HR: variants seen among roughly 807,000 people sequenced by gnomAD.
The protein encoded by HR is lysine-specific demethylase hairless.
HR carries 83 observed loss-of-function variants against 128.6 expected under a neutral mutation model. The ratio of observed to expected loss-of-function variants is 0.65; its 90% confidence interval spans 0.54 to 0.77. The LOEUF (loss-of-function observed/expected upper bound fraction) is 0.77, where lower values mean the gene tolerates loss of function less well. Among genes scored for constraint, HR ranks in the 30% least tolerant of loss-of-function variants. The pLI is 0.00. For missense variants in HR, 1,490 were observed against 1,574.6 expected (o/e 0.95, Z 0.91); for synonymous variants, 681 against 658.2 (o/e 1.03, Z -0.53).
rs753452080 is a variant in HR at position 22,115,808 on chromosome 8, GC to G, written c.3508-47del. 518 of 1,575,426 alleles carry G rather than the reference GC, an allele frequency of 3.3e-4. 1 individual carries two copies. The highest frequency in any genetic ancestry group is 4.3e-4 in the Non-Finnish European group (495 of 1,147,092). ...AAAGCATTTTCAACTACATTCCTGG[GC>G]CCACCCGCTGTCCCCCACCCTACTT... On this transcript the variant is annotated intron_variant, in intron 18 of 18. Coordinates refer to ENST00000381418, the MANE Select transcript of HR (RefSeq NM_005144.5).
chr8:22,119,854 C>A lies in HR; in HGVS notation c.2883G>T (p.Glu961Asp). 6.2e-7 allele frequency: 1 copy of A among 1,613,818 alleles called. No homozygotes were observed. Among genetic ancestry groups the A allele is most frequent in the East Asian group, 2.2e-5 (1 of 44,868 alleles). The change falls in exon 14 of 19, where the codon GAG becomes GAT. Residue 961 changes from glutamate (E) to aspartate (D), a missense_variant. Transcript: ENST00000381418. ...TGAGTTTTCCATGGAGGGCGCAGTA[C>A]TCCGGAAGTGGCAGACTGGCAGCTA... ...ENLAASLPLP[E>D]YCALHGKLNL...
chr8:22,116,939 C>T lies in HR; in HGVS notation c.3314G>A (p.Ser1105Asn). 2 of 1,547,404 alleles carry T rather than the reference C, an allele frequency of 1.3e-6. No individual in the cohort carries two copies. The highest frequency in any genetic ancestry group is 1.7e-6 in the Non-Finnish European group (2 of 1,151,980). ...RRRLREEWGVSCWTLLQAPGE... is the reference protein window; with the variant it reads ...RRRLREEWGVNCWTLLQAPGE... Reference sequence around the variant, plus strand: ...GGGGGCCTGGAGCAGGGTCCAGCAGCTCACGCCCCACTCCTCCCGCAGGCG... The same window carrying T: ...GGGGGCCTGGAGCAGGGTCCAGCAGTTCACGCCCCACTCCTCCCGCAGGCG... The change falls in exon 17 of 19, where the codon AGC becomes AAC. Residue 1105 changes from serine to asparagine, a missense_variant. Coordinates refer to ENST00000381418, the MANE Select transcript of HR (RefSeq NM_005144.5). The surrounding 1 kb of genome is among the most constrained non-coding windows in gnomAD (Gnocchi z 4.2).
rs200244738 is a variant in HR, at chr8:22,123,723, C to T, written c.1841G>A (p.Cys614Tyr). Reference sequence around the variant, plus strand: ...ACACAGCCGGTGGCTGCAGCGGGGACATCGCCAGTGGGTGTTGAAGAGTCC... The same window carrying T: ...ACACAGCCGGTGGCTGCAGCGGGGATATCGCCAGTGGGTGTTGAAGAGTCC... ...HHGLFNTHWR[C>Y]PRCSHRLCVA... The change falls in exon 6 of 19, where the codon TGT becomes TAT. Residue 614 changes from cysteine (C) to tyrosine (Y), a missense_variant. Cys to Tyr is a radical substitution (Grantham distance 194). Transcript: ENST00000381418. 1.3e-5 allele frequency: 21 copies of T among 1,582,776 alleles called. No homozygotes were observed. In the East Asian group the frequency reaches 4.3e-4, roughly 33 times the overall value.
rs751712888 is a variant in HR at position 22,125,661 on chromosome 8, T to C, written c.1477A>G (p.Lys493Glu). 4 of 1,613,526 alleles carry C rather than the reference T, an allele frequency of 2.5e-6. No individual in the cohort carries two copies. Among genetic ancestry groups the C allele is most frequent in the Non-Finnish European group, 2.5e-6 (3 of 1,179,940 alleles). The change falls in exon 4 of 19, where the codon AAA becomes GAA. Residue 493 changes from lysine (K) to glutamate (E), a missense_variant. Lys to Glu is a moderately conservative substitution (Grantham distance 56). Transcript: ENST00000381418. ...QDIPCLALPA[K>E]LAQCQSCAQA... ...GCACAACTTTGGCATTGAGCCAGTT[T>C]TGCAGGGAGAGCCAGGCATGGTATG...
intron 1 of HR, among the ~76,000 whole-genome samples, chr8:22,129,917 T>C (rs932994366): frequency 2.6e-5 from 4 of 152,202 alleles, no homozygotes; most frequent in Non-Finnish European, 5.9e-5. Context: ...AACCCCGCCC[T>C]GGCCCCCAGC....
At chr8:22,120,068 C>T (rs569060759) in intron 13 of HR, 36 bp downstream of exon 13, 26 of 1,569,634 alleles carry the variant, frequency 1.7e-5, no homozygotes, top group South Asian at 1.3e-4. Context: ...CCTGCGGTGG[C>T]GGGGAGGTAG....
Position 22,114,641 on chromosome 8 carries a change from C to G in HR, c.*1059G>C, listed in dbSNP as rs1321332148. On this transcript the variant is annotated 3_prime_UTR_variant, in exon 19 of 19. Transcript: ENST00000381418. ...AGGCTCAGTCCCAGGGTGGCTGGGC[C>G]TGGCGTCGGCCATGGCCACTGCCAC... The G allele has an allele frequency of 6.6e-6, 1 of 152,488 alleles. No homozygotes were observed. The highest frequency in any genetic ancestry group is 1.5e-5 in the Non-Finnish European group (1 of 68,126). The allele number at this position is 152,488 out of a possible 1,614,324, so 9.4% of individuals were successfully genotyped here. A position where few individuals can be genotyped will look rare whatever the true frequency, so the allele number is the denominator to read the frequency against.
chr8:22,121,957 G>A lies in HR; in HGVS notation c.2122-263C>T, dbSNP rs899763423. On this transcript the variant is annotated intron_variant, in intron 8 of 18. Coordinates refer to ENST00000381418, the MANE Select transcript of HR (RefSeq NM_005144.5). Reference sequence around the variant, plus strand: ...AACTAATGGTAGCATTAAGGTCATCGTCATTTTCTTCCTTATACTTGTCTG... The same window carrying A: ...AACTAATGGTAGCATTAAGGTCATCATCATTTTCTTCCTTATACTTGTCTG... 4.6e-5 allele frequency among the ~76,000 whole-genome samples: 7 copies of A among 152,118 alleles called. No individual in the cohort carries two copies. The South Asian group carries it at 6.2e-4, about 13-fold the overall frequency.
intron 2 of HR, chr8:22,128,224 C>T: frequency 3.9e-6 from 2 of 519,290 alleles, no homozygotes; most frequent in South Asian, 4.1e-5. Context: ...CTGCACATCC[C>T]AGTCTCAGAT....
intron 1 of HR, among the ~76,000 whole-genome samples, 159 bp downstream of exon 1, chr8:22,130,269 G>A (rs918494898): frequency 8.5e-5 from 13 of 152,228 alleles, no homozygotes; most frequent in African/African-American, 3.1e-4. Context: ...CCACCGCTCC[G>A]CCGTGGTCTG....
chr8:22,123,009 A>G, intron 6 of HR, 130 bp from the exon 7 acceptor site: 2 of 825,858 alleles, frequency 2.4e-6, no homozygotes, highest in Non-Finnish European at 4.0e-6. Context: ...CTTTCTGGGA[A>G]ACCTGGGTCA....
intron 16 of HR, chr8:22,118,386 C>T (rs758967636): frequency 4.0e-4 from 63 of 159,166 alleles, no homozygotes; most frequent in Admixed American, 1.0e-3. Context: ...CTCCACTTCC[C>T]TCAGCCCCCT....
At position 22,127,722 on chromosome 8, in the gene HR, G is replaced by T; in HGVS notation, c.720C>A (p.Ala240=). ...GCAGTGAAGGGCGTTCGGCCTCCCC[G>T]GCTCTCTGCAGGTGCCCACCAGAGT... ...GLNSGGHLQR[A]GEAERPSLHQ... is the part of the protein sequence containing the mutation. The change falls in exon 3 of 19, where the codon GCC becomes GCA. Residue 240 remains alanine (A), a synonymous_variant. Transcript: ENST00000381418. The T allele has an allele frequency of 6.2e-7, 1 of 1,606,298 alleles. No individual in the cohort carries two copies.
In HR at chr8:22,116,246, G is replaced by A; in HGVS notation, c.3507+54C>T. ...TATGTCCACTGCAGCTGTGGCACAG[G>A]GAGGTGGGAGGCTTGGGTAGCACAC... On this transcript the variant is annotated intron_variant, in intron 18 of 18. Transcript: ENST00000381418. This position sits in a 1 kb window ranked among gnomAD's most constrained non-coding sequence, Gnocchi z 4.2. 1 of 1,610,554 alleles carries A rather than the reference G, an allele frequency of 6.2e-7. No homozygotes were observed. Among genetic ancestry groups the A allele is most frequent in the East Asian group, 2.2e-5 (1 of 44,854 alleles).
At chr8:22,123,617 T>TTGGGGGGGGG in intron 6 of HR, 32 bp downstream of exon 6, 5 of 292,088 alleles carry the variant, frequency 1.7e-5, no homozygotes, top group Non-Finnish European at 1.9e-5. Flanking sequence ...GAGGGCTCCA[T>TTGGGGGGGGG]CCCGCCCTCC....
Position 22,119,274 on chromosome 8 carries a change from G to T in HR, c.2987C>A (p.Pro996Gln). ...PQLWAAYGVSPHRGHLGTKNL... is the reference protein window; with the variant it reads ...PQLWAAYGVSQHRGHLGTKNL... The stretch of plus-strand genomic sequence containing the variant: ...CTTGGTCCCCAGGTGTCCCCGGTGC[G>T]GGCTCACACCTGCATGGCAATAGAG... Residue 996 changes from proline (P) to glutamine (Q), a missense_variant, in exon 15 of 19, where the codon CCG becomes CAG. Around this residue, in one of 3 missense-constraint regions of HR, gnomAD observed 423 missense variants for 495.9 expected, o/e 0.85. Coordinates refer to ENST00000381418, the MANE Select transcript of HR (RefSeq NM_005144.5). The T allele has an allele frequency of 6.2e-7, 1 of 1,613,580 alleles. No individual in the cohort carries two copies. The highest frequency in any genetic ancestry group is 1.1e-5 in the South Asian group (1 of 91,086).
rs1366352968 is a variant in HR at position 22,125,364 on chromosome 8, A to G, written c.1697T>C (p.Leu566Pro). The G allele has an allele frequency of 1.2e-6, 2 of 1,606,762 alleles. No individual in the cohort carries two copies. The highest frequency in any genetic ancestry group is 1.7e-5 in the Admixed American group (1 of 59,028). The change falls in exon 5 of 19, where the codon CTG becomes CCG. Residue 566 changes from leucine to proline, a missense_variant. This residue lies in a region of HR where 1,060 missense variants were observed against 1,060.9 expected (regional missense o/e 1.00). Coordinates refer to ENST00000381418, the MANE Select transcript of HR (RefSeq NM_005144.5). ...KHLLSGLGDR[L>P]CRLLRREREA... ...CCGCTCCCTCCGCAGCAGGCGGCACAGTCGGTCCCCCAAACCACTGAGCAG... is the reference window on the plus strand; with the variant it reads ...CCGCTCCCTCCGCAGCAGGCGGCACGGTCGGTCCCCCAAACCACTGAGCAG...
chr8:22,116,474 T>A lies in HR; in HGVS notation c.3379-46A>T. On this transcript the variant is annotated intron_variant, in intron 17 of 18. Transcript: ENST00000381418. The surrounding 1 kb of genome is among the most constrained non-coding windows in gnomAD (Gnocchi z 4.2). ...CAGTGAGGCTCAAGATCACACATCC[T>A]CTCCCTGTCCCCCTGGTCCCTGAGG... The A allele has an allele frequency of 6.3e-7, 1 of 1,598,482 alleles. No homozygotes were observed. Among genetic ancestry groups the A allele is most frequent in the Non-Finnish European group, 8.5e-7 (1 of 1,172,536 alleles).
chr8:22,127,346 A>G lies in HR; in HGVS notation c.1096T>C (p.Ser366Pro), dbSNP rs761593479. The G allele has an allele frequency of 1.5e-4, 238 of 1,613,192 alleles. No homozygotes were observed. Among genetic ancestry groups the G allele is most frequent in the Non-Finnish European group, 2.0e-4 (233 of 1,180,038 alleles). Residue 366 changes from serine (S) to proline (P), a missense_variant, in exon 3 of 19, where the codon TCT becomes CCT. By Grantham distance (74) the Ser-to-Pro change is moderately conservative. Coordinates refer to ENST00000381418, the MANE Select transcript of HR (RefSeq NM_005144.5). ...CTGGGGGGACAGGCCCTGGGGCCAG[A>G]GGCCTTGTTCACTTCCTCGCTGGGT... ...SEPSEEVNKA[S>P]GPRACPPSHH...
Sources: gnomAD v4.1 joint callset for allele counts (sites outside exome capture counted in the v4.1 genomes callset) on GRCh38, gnomAD v4.1.1 for gene constraint, gnomAD v4.1.1 regional missense constraint, Gnocchi (gnomAD v3.1) non-coding constraint, MANE v1.5 for transcripts, NCBI Gene and HGNC (gene_info 2026-07-23, HGNC 2026-07-21) for gene names.